The following CD82 variants were observed in gnomAD, a reference collection of about 807,000 sequenced individuals.
The protein encoded by CD82 is CD82 antigen.
CD82 carries 36 observed loss-of-function variants against 37.4 expected under a neutral mutation model. That is an observed-to-expected ratio of 0.96 (90% CI 0.74 to 1.27). CD82 has a LOEUF of 1.27. CD82 is among the 50% of genes most tolerant of loss of function. The pLI, the probability that CD82 is intolerant of heterozygous loss-of-function variation, is 0.00. For synonymous variants in CD82, 158 were observed against 137.4 expected, an observed-to-expected ratio of 1.15 and a Z score of -1.05; for missense variants, 340 against 347.0, an observed-to-expected ratio of 0.98 and a Z score of 0.16.
At chr11:44,585,519 C>G (rs1023254021) in intron 1 of CD82, among the ~76,000 whole-genome samples, 1 of 152,200 alleles carries the variant, frequency 6.6e-6, no homozygotes, top group Non-Finnish European at 1.5e-5. Context: ...AGATTGTGCC[C>G]TACTATGCAC....
Position 44,578,286 on chromosome 11 carries a change from C to G in CD82, c.-102-9189C>G, listed in dbSNP as rs542407972. ...CTGGGTCGCCCAGGGAAGGAGGCAGCCTCTCTCTGAGCTCCTATATTCCTG... is the reference window on the plus strand; with the variant it reads ...CTGGGTCGCCCAGGGAAGGAGGCAGGCTCTCTCTGAGCTCCTATATTCCTG... On this transcript the variant is annotated intron_variant, in intron 1 of 9. Coordinates refer to ENST00000227155, the MANE Select transcript of CD82 (RefSeq NM_002231.4). 6.6e-5 allele frequency among the ~76,000 whole-genome samples: 10 copies of G among 152,312 alleles called. 1 individual carries two copies. The South Asian group carries it at 2.1e-3, about 32-fold the overall frequency.
At chr11:44,615,661 T>C (rs1853554287) in intron 7 of CD82, among the ~76,000 whole-genome samples, 2 of 152,152 alleles carry the variant, frequency 1.3e-5, no homozygotes, top group South Asian at 2.1e-4. Context: ...TGGGGAGCGT[T>C]GGGAGCTCCA....
chr11:44,592,067 T>C (rs1269364484), intron 2 of CD82, among the ~76,000 whole-genome samples: 2 of 152,084 alleles, frequency 1.3e-5, no homozygotes, highest in Admixed American at 6.6e-5. Flanking sequence ...CTTCTGCCAG[T>C]CTCGGCCTCC....
chr11:44,574,228 G>A (rs941874560), intron 1 of CD82, among the ~76,000 whole-genome samples: 1 of 152,204 alleles, frequency 6.6e-6, no homozygotes, highest in Non-Finnish European at 1.5e-5. Flanking sequence ...GGATCTTGGT[G>A]TTGTGAGAAG....
intron 1 of CD82, among the ~76,000 whole-genome samples, chr11:44,569,217 G>T (rs1852781102): frequency 6.6e-6 from 1 of 152,150 alleles, no homozygotes; most frequent in African/African-American, 2.4e-5. Flanking sequence ...AGTGGTGTGG[G>T]ATGTGTTGCT....
rs776058317 is a variant in CD82 at position 44,581,298 on chromosome 11, C to A, written c.-102-6177C>A. 7.2e-5 allele frequency among the ~76,000 whole-genome samples: 11 copies of A among 152,282 alleles called. No homozygotes were observed. In the South Asian group the frequency reaches 2.1e-3, roughly 29 times the overall value. ...ACTCTCTGCCCAACCAGCAAGGTGA[C>A]CTTGGGCAAGGCCCTTGACCACCCT... On this transcript the variant is annotated intron_variant, in intron 1 of 9. Coordinates refer to ENST00000227155, the MANE Select transcript of CD82 (RefSeq NM_002231.4).
At chr11:44,614,925 G>T (rs895711262) in intron 6 of CD82, among the ~76,000 whole-genome samples, 1 of 152,212 alleles carries the variant, frequency 6.6e-6, no homozygotes, top group African/African-American at 2.4e-5. Context: ...AGGACAGAAG[G>T]CCTGGGGAGG....
At position 44,619,343 on chromosome 11, in the gene CD82, G is replaced by A. The variant is rs536686665; in HGVS notation, c.*217G>A. On this transcript the variant is annotated 3_prime_UTR_variant, in exon 10 of 10. Coordinates refer to ENST00000227155, the MANE Select transcript of CD82 (RefSeq NM_002231.4). ...CTGTTCTGTGGTTCCTCTGCTCACC[G>A]CCCATCAGGGTTCTCTTAGCAACTC... is the stretch of plus-strand genomic sequence containing the variant. The A allele has an allele frequency of 4.4e-4, 248 of 564,420 alleles. No individual in the cohort carries two copies. Among genetic ancestry groups the A allele is most frequent in the Non-Finnish European group, 6.7e-4 (212 of 315,074 alleles). The allele number at this position is 564,420 out of a possible 1,614,324, so 35.0% of individuals were successfully genotyped here.
Position 44,619,973 on chromosome 11 carries a change from C to T in CD82, c.*847C>T, listed in dbSNP as rs1253463720. 2.6e-5 allele frequency: 4 copies of T among 151,672 alleles called. No individual in the cohort carries two copies. The East Asian group carries it at 7.8e-4, about 30-fold the overall frequency. The allele number at this position is 151,672 out of a possible 1,614,324, so 9.4% of individuals were successfully genotyped here. On this transcript the variant is annotated 3_prime_UTR_variant, in exon 10 of 10. Transcript: ENST00000227155. The stretch of plus-strand genomic sequence containing the variant: ...AAGGGGTGGCACCCCTTCCCCAGGC[C>T]TGATGCAGGTCCATCTAGACAGCTC...
intron 1 of CD82, among the ~76,000 whole-genome samples, chr11:44,576,477 C>A (rs1852892818): frequency 6.6e-6 from 1 of 152,188 alleles, no homozygotes; most frequent in African/African-American, 2.4e-5. Flanking sequence ...GGGATGGCAG[C>A]AGGTCCTGTT....
At chr11:44,615,413 G>T in intron 7 of CD82, 40 bp downstream of exon 7, 1 of 1,277,844 alleles carries the variant, frequency 7.8e-7, no homozygotes, top group Non-Finnish European at 1.1e-6. Flanking sequence ...TCTGGCCTGG[G>T]TGTCCCTGCA....
In CD82 at chr11:44,618,250, G is replaced by A. The variant is rs1853594771; in HGVS notation, c.527G>A (p.Cys176Tyr). 6.2e-7 allele frequency: 1 copy of A among 1,613,976 alleles called. No individual in the cohort carries two copies. The highest frequency in any genetic ancestry group is 1.7e-5 in the Admixed American group (1 of 60,004). The change falls in exon 8 of 10, where the codon TGC becomes TAC. Residue 176 changes from cysteine to tyrosine, a missense_variant. Physicochemically the swap from Cys to Tyr is radical, Grantham distance 194 (BLOSUM62 -2). Coordinates refer to ENST00000227155, the MANE Select transcript of CD82 (RefSeq NM_002231.4). ...NRPEVTYPCSCEVKGEEDNSL... is the reference protein window; with the variant it reads ...NRPEVTYPCSYEVKGEEDNSL... ...CCTGAGGTCACCTACCCCTGTTCCT[G>A]CGAAGTCAAGGGGGAAGAGGACAAC...
chr11:44,577,582 G>A (rs1006089861), intron 1 of CD82, among the ~76,000 whole-genome samples: 16 of 152,310 alleles, frequency 1.1e-4, no homozygotes, highest in African/African-American at 3.6e-4. Flanking sequence ...GGAAAGGTTA[G>A]CCTCAGACCT....
chr11:44,568,547 C>G (rs1852769960), intron 1 of CD82, among the ~76,000 whole-genome samples: 1 of 152,052 alleles, frequency 6.6e-6, no homozygotes, highest in Admixed American at 6.6e-5. Flanking sequence ...AGAAGAAGTG[C>G]CTGCTGATCC....
Position 44,609,205 on chromosome 11 carries a change from T to A in CD82, c.336+3776T>A, listed in dbSNP as rs76843055. ...GTGGGCTCTGCCGCTGATTGCTGTG[T>A]GGCTTCGGATAAGTTACCCAGACTC... On this transcript the variant is annotated intron_variant, in intron 6 of 9. Coordinates refer to ENST00000227155, the MANE Select transcript of CD82 (RefSeq NM_002231.4). 2.1e-3 allele frequency among the ~76,000 whole-genome samples: 317 copies of A among 152,310 alleles called. 3 individuals are homozygous for A. Among genetic ancestry groups the A allele is most frequent in the African/African-American group, 7.3e-3 (303 of 41,566 alleles).
chr11:44,608,483 T>C (rs1223818031), intron 6 of CD82, among the ~76,000 whole-genome samples: 1 of 152,176 alleles, frequency 6.6e-6, no homozygotes, highest in Admixed American at 6.5e-5. Context: ...CTGTGACACT[T>C]CTGTGAAAAT....
At chr11:44,568,718 C>CG (rs779385695) in intron 1 of CD82, among the ~76,000 whole-genome samples, 2 of 152,172 alleles carry the variant, frequency 1.3e-5, no homozygotes, top group Non-Finnish European at 2.9e-5. Context: ...TATGTGGGGG[C>CG]GGCCCCCTCT....
At chr11:44,595,160 C>T (rs1853203990) in intron 3 of CD82, among the ~76,000 whole-genome samples, 1 of 152,236 alleles carries the variant, frequency 6.6e-6, no homozygotes, top group African/African-American at 2.4e-5. Context: ...CACCCCCGTC[C>T]CTGTCGTGGG....
At chr11:44,586,478 T>C (rs570605301) in intron 1 of CD82, among the ~76,000 whole-genome samples, 1 of 152,234 alleles carries the variant, frequency 6.6e-6, no homozygotes, top group South Asian at 2.1e-4. Context: ...GTCTGGGCAA[T>C]AAAGTGAGAC....
Sources: allele counts gnomAD v4.1 joint callset (sites outside exome capture counted in the v4.1 genomes callset), GRCh38; gene constraint gnomAD v4.1.1; transcripts MANE v1.5; gene names NCBI Gene and HGNC (gene_info 2026-07-23, HGNC 2026-07-21).